The following PLEKHA7 variants were observed in gnomAD, a reference collection of about 807,000 sequenced individuals.
The protein encoded by PLEKHA7 is pleckstrin homology domain-containing family A member 7.
A neutral mutation model predicts 170.0 loss-of-function variants in PLEKHA7; 104 were observed. The ratio of observed to expected loss-of-function variants is 0.61; its 90% CI spans 0.52 to 0.72. The LOEUF (loss-of-function observed/expected upper bound fraction) is 0.72. Ranked by LOEUF, PLEKHA7 falls within the 30% of genes least tolerant of loss-of-function variation. The pLI is 0.00. For synonymous variants in PLEKHA7, 648 were observed against 660.8 expected (o/e 0.98, Z 0.30); for missense variants, 1,615 against 1,671.7 (o/e 0.97, Z 0.59).
In PLEKHA7 at chr11:16,813,529, T is replaced by C. The variant is rs190240235; in HGVS notation, c.1954-363A>G. On this transcript the variant is annotated intron_variant, in intron 12 of 26. Coordinates refer to ENST00000531066, the MANE Select transcript of PLEKHA7 (RefSeq NM_001329630.2). ...TATGCCACACCTGAGCTAGAGCGCA[T>C]CAGTCATCATCACTCCAATTCCATC... Among the ~76,000 whole-genome samples, 120 of 152,266 alleles carry C rather than the reference T, an allele frequency of 7.9e-4. 1 individual carries two copies. The highest frequency in any genetic ancestry group is 3.2e-3 in the Admixed American group (49 of 15,304).
chr11:16,906,935 C>A (rs1167293886), intron 3 of PLEKHA7, among the ~76,000 whole-genome samples: 3 of 148,710 alleles, frequency 2.0e-5, no homozygotes, highest in Non-Finnish European at 4.4e-5. Context: ...CTCTGCCCTG[C>A]CGCCCCGTCT....
intron 3 of PLEKHA7, among the ~76,000 whole-genome samples, chr11:16,880,520 T>A (rs1855631444): frequency 6.6e-6 from 1 of 152,214 alleles, no homozygotes; most frequent in Admixed American, 6.5e-5. Context: ...TTTTTCCACA[T>A]TGCAGACTCC....
chr11:16,907,083 G>A (rs1402872382), intron 3 of PLEKHA7, among the ~76,000 whole-genome samples: 5 of 141,154 alleles, frequency 3.5e-5, no homozygotes, highest in African/African-American at 8.7e-5. Flanking sequence ...GAGCGTCTCC[G>A]CCCGGCAGCC....
chr11:16,838,171 T>C (rs1014006088), intron 9 of PLEKHA7, among the ~76,000 whole-genome samples: 7 of 151,840 alleles, frequency 4.6e-5, no homozygotes, highest in Middle Eastern at 3.4e-3. Context: ...AGTAGAAAAA[T>C]GGGCAGAGGA....
At chr11:17,014,236 A>G (rs1865529400) in intron 1 of PLEKHA7, 35 bp from the exon 2 acceptor site, 2 of 1,447,042 alleles carry the variant, frequency 1.4e-6, no homozygotes, top group East Asian at 5.7e-5. Flanking sequence ...TAGCGCCGCC[A>G]CAGCCCGCCG....
rs1336569179 is a variant in PLEKHA7, at chr11:16,782,822, T to C, written c.3725A>G (p.Gln1242Arg). The C allele has an allele frequency of 4.6e-6, 7 of 1,536,170 alleles. No homozygotes were observed. The highest frequency in any genetic ancestry group is 6.1e-6 in the Non-Finnish European group (7 of 1,146,908). ...GTAGGAGATGTTGATGATGCGCTCC[T>C]GCTCCTGCAGCTGCAAGTCCAGGTC... ...VADLDLQLQE[Q>R]ERIINISYAL... Residue 1242 changes from glutamine (Q) to arginine (R), a missense_variant, in exon 26 of 27, where the codon CAG (glutamine) becomes CGG (arginine). By Grantham distance (43) the Gln-to-Arg change is conservative. Transcript: ENST00000531066.
intron 9 of PLEKHA7, among the ~76,000 whole-genome samples, chr11:16,835,431 G>A (rs1180287724): frequency 6.6e-6 from 1 of 152,182 alleles, no homozygotes; most frequent in Non-Finnish European, 1.5e-5. Context: ...TAGGAGATGA[G>A]TACATCCTGG....
At chr11:16,792,930 C>T (rs1453169644) in intron 19 of PLEKHA7, among the ~76,000 whole-genome samples, 2 of 152,166 alleles carry the variant, frequency 1.3e-5, no homozygotes, top group African/African-American at 2.4e-5. Context: ...AGCAGCACCA[C>T]GCCCATCTTA....
chr11:16,950,400 G>A (rs1439755994), intron 3 of PLEKHA7, among the ~76,000 whole-genome samples: 1 of 152,038 alleles, frequency 6.6e-6, no homozygotes, highest in African/African-American at 2.4e-5. Context: ...GTCCCCTGAT[G>A]TTCCAGGGAG....
At chr11:16,820,598 G>A (rs960971020) in intron 10 of PLEKHA7, among the ~76,000 whole-genome samples, 3 of 152,174 alleles carry the variant, frequency 2.0e-5, no homozygotes, top group African/African-American at 7.2e-5. Flanking sequence ...GGGGAGTTCA[G>A]GACTTGACTA....
chr11:16,874,180 C>G (rs1855096531), intron 3 of PLEKHA7, among the ~76,000 whole-genome samples: 1 of 152,114 alleles, frequency 6.6e-6, no homozygotes, highest in Non-Finnish European at 1.5e-5. Context: ...GGGGGAGTGC[C>G]TTGTACAAGA....
intron 3 of PLEKHA7, among the ~76,000 whole-genome samples, chr11:16,969,897 C>T (rs1477934555): frequency 6.6e-6 from 1 of 152,176 alleles, no homozygotes; most frequent in Non-Finnish European, 1.5e-5. Context: ...CACTTTCAAC[C>T]TGAAGAGCTT....
chr11:16,807,902 A>G (rs1279635843), intron 13 of PLEKHA7, among the ~76,000 whole-genome samples: 17 of 152,076 alleles, frequency 1.1e-4, no homozygotes, highest in African/African-American at 4.1e-4. Flanking sequence ...ATTCTTAAAC[A>G]CTCTCCTGAG....
At chr11:16,985,549 A>G (rs1027755196) in intron 3 of PLEKHA7, among the ~76,000 whole-genome samples, 1 of 152,198 alleles carries the variant, frequency 6.6e-6, no homozygotes, top group Non-Finnish European at 1.5e-5. Flanking sequence ...GGGGGTGGGG[A>G]CAGCCACACA....
Position 16,851,276 on chromosome 11 carries a change from GCTT to G in PLEKHA7, c.608_610del (p.Glu203del). 6.2e-7 allele frequency: 1 copy of G among 1,609,838 alleles called. No individual in the cohort carries two copies. The highest frequency in any genetic ancestry group is 1.1e-5 in the South Asian group (1 of 89,920). ...GGGCAAGGGGATGCTCCCGAGGACC[GCTT>G]CTTCTCGGCTGTCTTTGAATGGAAA... On this transcript the variant is annotated inframe_deletion, in exon 8 of 27. Transcript: ENST00000531066.
At chr11:16,793,331 G>C (rs1847987497) in intron 19 of PLEKHA7, among the ~76,000 whole-genome samples, 1 of 152,228 alleles carries the variant, frequency 6.6e-6, no homozygotes, top group Non-Finnish European at 1.5e-5. Flanking sequence ...TAGGGCTAGA[G>C]CTCCAGTCCA....
At chr11:16,979,789 C>G (rs57532157) in intron 3 of PLEKHA7, among the ~76,000 whole-genome samples, 1 of 152,112 alleles carries the variant, frequency 6.6e-6, no homozygotes, top group East Asian at 1.9e-4. Flanking sequence ...CGCAGCAATT[C>G]TCTTTGGTCT....
intron 23 of PLEKHA7, chr11:16,788,105 G>A (rs541484319): frequency 2.9e-4 from 44 of 152,620 alleles, no homozygotes; most frequent in African/African-American, 1.0e-3. Flanking sequence ...GTAAAGCATG[G>A]ATTTTTATAA....
At chr11:16,810,183 T>C (rs988607243) in intron 13 of PLEKHA7, among the ~76,000 whole-genome samples, 1 of 152,242 alleles carries the variant, frequency 6.6e-6, no homozygotes, top group Non-Finnish European at 1.5e-5. Context: ...AGCATGTTGC[T>C]TTGGGTTTTA....
Sources: gnomAD v4.1 joint callset for allele counts (sites outside exome capture counted in the v4.1 genomes callset) on GRCh38, gnomAD v4.1.1 for gene constraint, MANE v1.5 for transcripts, NCBI Gene and HGNC (gene_info 2026-07-23, HGNC 2026-07-21) for gene names.